The following ITPRIP variants were observed in gnomAD, a reference collection of about 807,000 sequenced individuals.
ITPRIP encodes the protein inositol 1,4,5-trisphosphate receptor-interacting protein.
Under a neutral mutation model 35.8 loss-of-function variants are expected in ITPRIP, and 32 were observed. That is an observed-to-expected ratio of 0.89 (90% confidence interval 0.68 to 1.20). The LOEUF is 1.20. ITPRIP is among the 50% of genes most tolerant of loss of function. The probability of loss-of-function intolerance (pLI) is 0.00; values close to 1 mark genes in which losing one functional copy is unlikely to be tolerated. For missense variants in ITPRIP, 653 were observed against 735.6 expected, an observed-to-expected ratio of 0.89 and a Z score of 1.30; for synonymous variants, 358 against 324.0, an observed-to-expected ratio of 1.11 and a Z score of -1.13.
chr10:104,320,020 A>G (rs2013804010), intron 1 of ITPRIP, among the ~76,000 whole-genome samples: 2 of 152,214 alleles, frequency 1.3e-5, no homozygotes, highest in African/African-American at 4.8e-5. Flanking sequence ...AAGAAATCAA[A>G]GTATTTTACC....
intron 1 of ITPRIP, among the ~76,000 whole-genome samples, chr10:104,336,826 G>C (rs1312185437): frequency 6.6e-6 from 1 of 152,196 alleles, no homozygotes; most frequent in Non-Finnish European, 1.5e-5. Flanking sequence ...ACTCAGTCAT[G>C]CAAAAAACAA....
At chr10:104,330,290 C>T (rs1240703186) in intron 1 of ITPRIP, among the ~76,000 whole-genome samples, 2 of 152,220 alleles carry the variant, frequency 1.3e-5, no homozygotes, top group South Asian at 4.1e-4. Context: ...GATAAAGTAA[C>T]TTCTACATTC....
intron 1 of ITPRIP, among the ~76,000 whole-genome samples, chr10:104,317,962 G>A (rs991574556): frequency 1.3e-5 from 2 of 152,198 alleles, no homozygotes; most frequent in African/African-American, 2.4e-5. Flanking sequence ...GAACCACAAG[G>A]GTTGGGGAGT....
Position 104,310,071 on chromosome 10 carries a change from A to G in ITPRIP, c.*4337T>C, listed in dbSNP as rs1033787302. ...AGGGAGGGCCCTGTTGAAGGCACAC[A>G]TTGCCCTTCACTCTGTGACTCTTGG... On this transcript the variant is annotated 3_prime_UTR_variant, in exon 2 of 2. Coordinates refer to ENST00000337478, the MANE Select transcript of ITPRIP (RefSeq NM_001272013.2). 2.6e-5 allele frequency: 4 copies of G among 152,348 alleles called. No individual in the cohort carries two copies. Among genetic ancestry groups the G allele is most frequent in the Admixed American group, 1.3e-4 (2 of 15,300 alleles). 9.4% of individuals were successfully genotyped at this position (152,348 alleles called of 1,614,324 possible).
rs562332456 is a variant in ITPRIP, at chr10:104,313,369, C to T, written c.*1039G>A. The stretch of plus-strand genomic sequence containing the variant: ...TTACAGCAGAGACTTCGCTGCAGGA[C>T]GCAGGGCCAGAAGAGGTTGAGAGGC... On this transcript the variant is annotated 3_prime_UTR_variant, in exon 2 of 2. Coordinates refer to ENST00000337478, the MANE Select transcript of ITPRIP (RefSeq NM_001272013.2). 57 of 986,404 alleles carry T rather than the reference C, an allele frequency of 5.8e-5. No homozygotes were observed. Among genetic ancestry groups the T allele is most frequent in the South Asian group, 5.6e-4 (12 of 21,386 alleles). The allele number at this position is 986,404 out of a possible 1,614,324, so 61.1% of individuals were successfully genotyped here. A position where few individuals can be genotyped will look rare whatever the true frequency, so the allele number is the denominator to read the frequency against.
At position 104,312,192 on chromosome 10, in the gene ITPRIP, A is replaced by G. The variant is rs1349048694; in HGVS notation, c.*2216T>C. 6.6e-6 allele frequency: 1 copy of G among 152,476 alleles called. No individual in the cohort carries two copies. Among genetic ancestry groups the G allele is most frequent in the Non-Finnish European group, 1.5e-5 (1 of 68,044 alleles). The allele number at this position is 152,476 out of a possible 1,614,324, so 9.4% of individuals were successfully genotyped here. On this transcript the variant is annotated 3_prime_UTR_variant, in exon 2 of 2. Coordinates refer to ENST00000337478, the MANE Select transcript of ITPRIP (RefSeq NM_001272013.2). ...ATAAATAAGGCAGCATGAAACACCA[A>G]GAGCCCCACTGCTTTCTGCTTTAGA...
At chr10:104,332,705 G>A (rs1289629117) in intron 1 of ITPRIP, among the ~76,000 whole-genome samples, 3 of 152,300 alleles carry the variant, frequency 2.0e-5, no homozygotes, top group Non-Finnish European at 4.4e-5. Context: ...GGACAAGATG[G>A]ACATCCATGG....
Position 104,314,017 on chromosome 10 carries a change from G to A in ITPRIP, c.*391C>T. ...ACGGTTCCCTGTCAGCATTCTTGTA[G>A]ATCCTCTGCTCATATTCAAGTACAG... On this transcript the variant is annotated 3_prime_UTR_variant, in exon 2 of 2. Coordinates refer to ENST00000337478, the MANE Select transcript of ITPRIP (RefSeq NM_001272013.2). 9.9e-7 allele frequency: 1 copy of A among 1,010,904 alleles called. No homozygotes were observed. The highest frequency in any genetic ancestry group is 1.2e-6 in the Non-Finnish European group (1 of 845,210). 62.6% of individuals were successfully genotyped at this position (1,010,904 alleles called of 1,614,324 possible). A position where few individuals can be genotyped will look rare whatever the true frequency, so the allele number is the denominator to read the frequency against.
At chr10:104,316,338 C>T (rs2013688556) in intron 1 of ITPRIP, among the ~76,000 whole-genome samples, 1 of 152,136 alleles carries the variant, frequency 6.6e-6, no homozygotes, top group Non-Finnish European at 1.5e-5. Context: ...TCCTACCAGT[C>T]CTTATGGCCA....
At chr10:104,319,379 T>TAAACACACGCTCG (rs2013785866) in intron 1 of ITPRIP, among the ~76,000 whole-genome samples, 1 of 151,916 alleles carries the variant, frequency 6.6e-6, no homozygotes, top group South Asian at 2.1e-4. Flanking sequence ...GCATGGGGAG[T>TAAACACACGCTCG]AAACACACGC....
intron 1 of ITPRIP, among the ~76,000 whole-genome samples, chr10:104,334,872 A>G (rs1043337967): frequency 2.0e-5 from 3 of 152,240 alleles, no homozygotes; most frequent in African/African-American, 7.2e-5. Context: ...CGCAGGGAAG[A>G]GACGACATTC....
Position 104,315,644 on chromosome 10 carries a change from C to G in ITPRIP, c.408G>C (p.Leu136=), listed in dbSNP as rs767585462. The G allele has an allele frequency of 5.0e-6, 8 of 1,612,106 alleles. No homozygotes were observed. Among genetic ancestry groups the G allele is most frequent in the Non-Finnish European group, 6.8e-6 (8 of 1,179,730 alleles). The change falls in exon 2 of 2, where the codon CTG becomes CTC. Residue 136 remains leucine, a synonymous_variant. Coordinates refer to ENST00000337478, the MANE Select transcript of ITPRIP (RefSeq NM_001272013.2). The surrounding 1 kb of genome is among the most constrained non-coding windows in gnomAD (Gnocchi z 5.7). ...AGTGGCCAAGCGTGGCCTTGTTGGG[C>G]AGGGTGAGGCCCTGCAAGGGGGCGC... ...LGGAPLQGLT[L]PNKATLGHFY... is the part of the protein sequence containing the mutation.
chr10:104,316,494 T>C (rs1564862414), intron 1 of ITPRIP, among the ~76,000 whole-genome samples: 1 of 152,080 alleles, frequency 6.6e-6, no homozygotes, highest in Non-Finnish European at 1.5e-5. Flanking sequence ...GAGAGACAGA[T>C]GTAGGGTGTG....
rs1208293857 is a variant in ITPRIP, at chr10:104,314,598, G to A, written c.1454C>T (p.Pro485Leu). Residue 485 changes from proline to leucine, a missense_variant, in exon 2 of 2, where the codon CCT (proline) becomes CTT (leucine). Pro to Leu is a moderately conservative substitution (Grantham distance 98). Coordinates refer to ENST00000337478, the MANE Select transcript of ITPRIP (RefSeq NM_001272013.2). ...HHFFIGNRKV[P>L]EAMGLPEAVL... ...GGCCTCAGGGAGTCCCATGGCCTCA[G>A]GCACCTTGCGGTTGCCGATGAAGAA... 6.2e-7 allele frequency: 1 copy of A among 1,614,210 alleles called. No individual in the cohort carries two copies. The highest frequency in any genetic ancestry group is 1.7e-5 in the Admixed American group (1 of 60,034).
rs925516809 is a variant in ITPRIP at position 104,313,856 on chromosome 10, A to G, written c.*552T>C. On this transcript the variant is annotated 3_prime_UTR_variant, in exon 2 of 2. Coordinates refer to ENST00000337478, the MANE Select transcript of ITPRIP (RefSeq NM_001272013.2). ...GTCTTTTCTCCAAATAGTATAAAAA[A>G]GTGGCAGCCATGGTGGGACCACTAT... The G allele has an allele frequency of 9.1e-6, 9 of 985,782 alleles. No homozygotes were observed. Among genetic ancestry groups the G allele is most frequent in the Non-Finnish European group, 1.1e-5 (9 of 830,210 alleles). 61.1% of individuals were successfully genotyped at this position (985,782 alleles called of 1,614,324 possible).
Position 104,314,121 on chromosome 10 carries a change from T to C in ITPRIP, c.*287A>G, listed in dbSNP as rs891464459. On this transcript the variant is annotated 3_prime_UTR_variant, in exon 2 of 2. Coordinates refer to ENST00000337478, the MANE Select transcript of ITPRIP (RefSeq NM_001272013.2). ...CTAACTCAGGGTCCACAGCGTGTTC[T>C]GCCACCATCTTGGCCATTCATGGTG... is the stretch of plus-strand genomic sequence containing the variant. 4.1e-6 allele frequency: 5 copies of C among 1,213,226 alleles called. No homozygotes were observed. The highest frequency in any genetic ancestry group is 5.1e-6 in the Non-Finnish European group (5 of 971,408). The allele number at this position is 1,213,226 out of a possible 1,614,324, so 75.2% of individuals were successfully genotyped here.
In ITPRIP at chr10:104,338,393, G is replaced by C. The variant is rs1407440768; in HGVS notation, c.-161C>G. 1.3e-5 allele frequency: 2 copies of C among 152,234 alleles called. No homozygotes were observed. Among genetic ancestry groups the C allele is most frequent in the African/African-American group, 4.8e-5 (2 of 41,384 alleles). 9.4% of individuals were successfully genotyped at this position (152,234 alleles called of 1,614,324 possible). A position where few individuals can be genotyped will look rare whatever the true frequency, so the allele number is the denominator to read the frequency against. On this transcript the variant is annotated 5_prime_UTR_variant, in exon 1 of 2. It adds an upstream start codon to the 5' untranslated region. Coordinates refer to ENST00000337478, the MANE Select transcript of ITPRIP (RefSeq NM_001272013.2). ...CGGCACTTAGAGGGGCGCGGGCGGC[G>C]ATGCCCCCGCTGGCTCCCACCTTCT...
Position 104,312,772 on chromosome 10 carries a change from G to A in ITPRIP, c.*1636C>T, listed in dbSNP as rs1180538629. On this transcript the variant is annotated 3_prime_UTR_variant, in exon 2 of 2. Coordinates refer to ENST00000337478, the MANE Select transcript of ITPRIP (RefSeq NM_001272013.2). ...TGGTTGAGAGCACTCCTGGGGATGG[G>A]GGAAGGATCTCCTTCCTTCAGTTTG... is the stretch of plus-strand genomic sequence containing the variant. 2.0e-6 allele frequency: 2 copies of A among 985,156 alleles called. No individual in the cohort carries two copies. Among genetic ancestry groups the A allele is most frequent in the African/African-American group, 3.5e-5 (2 of 57,158 alleles). 61.0% of individuals were successfully genotyped at this position (985,156 alleles called of 1,614,324 possible).
At chr10:104,317,574 C>T (rs953661854) in intron 1 of ITPRIP, among the ~76,000 whole-genome samples, 5 of 152,184 alleles carry the variant, frequency 3.3e-5, no homozygotes, top group African/African-American at 1.2e-4. Flanking sequence ...GAACTACCCC[C>T]CTCCTTGCTT....
Sources: gnomAD v4.1 joint callset for allele counts (sites outside exome capture counted in the v4.1 genomes callset) on GRCh38, gnomAD v4.1.1 for gene constraint, Gnocchi (gnomAD v3.1) non-coding constraint, MANE v1.5 for transcripts, NCBI Gene and HGNC (gene_info 2026-07-23, HGNC 2026-07-21) for gene names.